PDK1: variants seen among roughly 807,000 people sequenced by gnomAD.
PDK1 encodes the protein [Pyruvate dehydrogenase (acetyl-transferring)] kinase isozyme 1, mitochondrial.
PDK1 carries 39 observed loss-of-function variants against 54.2 expected under a neutral mutation model. The ratio of observed to expected loss-of-function variants is 0.72; its 90% CI spans 0.56 to 0.94. The LOEUF (loss-of-function observed/expected upper bound fraction) is 0.94. PDK1 is among the 40% of genes least tolerant of loss of function. The pLI is 0.00. For missense variants in PDK1, 552 were observed against 566.0 expected (o/e 0.98, Z 0.25); for synonymous variants, 221 against 207.1 (o/e 1.07, Z -0.58).
the PDK1 span, among the ~76,000 whole-genome samples, chr2:172,640,003 A>G: frequency 2.0e-5 from 3 of 152,234 alleles, no homozygotes; most frequent in African/African-American, 7.2e-5. Flanking sequence ...TGCCTCAGCA[A>G]CAGATGACTA....
chr2:172,578,734 G>A (rs999622344), intron 8 of PDK1, among the ~76,000 whole-genome samples: 7 of 146,330 alleles, frequency 4.8e-5, no homozygotes, highest in Non-Finnish European at 1.1e-4. Context: ...TTGTTGTTTT[G>A]TAATTTTTTT....
the PDK1 span, among the ~76,000 whole-genome samples, chr2:172,659,094 C>T: frequency 6.6e-6 from 1 of 152,132 alleles, no homozygotes; most frequent in Non-Finnish European, 1.5e-5. Flanking sequence ...TAATAAAAAC[C>T]TGCAGGTTTT....
chr2:172,581,306 G>A (rs773556645), intron 8 of PDK1, among the ~76,000 whole-genome samples: 38 of 152,232 alleles, frequency 2.5e-4, no homozygotes, highest in Admixed American at 8.5e-4. Context: ...GGCCAGGCTG[G>A]TCTCGAACTG....
chr2:172,621,594 A>G, the PDK1 span, among the ~76,000 whole-genome samples: 2 of 147,348 alleles, frequency 1.4e-5, no homozygotes, highest in African/African-American at 4.9e-5. Context: ...ATGTTTATAT[A>G]TGATATATGT....
At chr2:172,577,024 T>A (rs1689617969) in intron 8 of PDK1, among the ~76,000 whole-genome samples, 1 of 152,216 alleles carries the variant, frequency 6.6e-6, no homozygotes, top group South Asian at 2.1e-4. Context: ...AATTGTTATA[T>A]CCATTGTTGA....
At chr2:172,573,718 A>G (rs989928950) in intron 8 of PDK1, among the ~76,000 whole-genome samples, 16 of 151,850 alleles carry the variant, frequency 1.1e-4, no homozygotes, top group Non-Finnish European at 7.4e-5. Context: ...ATGATTTGCA[A>G]GTATATTCTC....
intron 10 of PDK1, among the ~76,000 whole-genome samples, chr2:172,595,006 C>T (rs1290672976): frequency 1.3e-5 from 2 of 151,930 alleles, no homozygotes; most frequent in African/African-American, 2.4e-5. Flanking sequence ...TAAATGTTCA[C>T]GAAAAAGCTA....
At chr2:172,664,911 A>G in the PDK1 span, among the ~76,000 whole-genome samples, 1 of 152,188 alleles carries the variant, frequency 6.6e-6, no homozygotes, top group Non-Finnish European at 1.5e-5. Context: ...TTATAGCTGC[A>G]TATGGACTTC....
the PDK1 span, among the ~76,000 whole-genome samples, chr2:172,699,434 A>C: frequency 6.9e-6 from 1 of 144,262 alleles, no homozygotes; most frequent in Non-Finnish European, 1.5e-5. Flanking sequence ...AATCGTTCAT[A>C]TTTTTTTTGA....
At chr2:172,681,868 C>G in the PDK1 span, among the ~76,000 whole-genome samples, 2 of 152,192 alleles carry the variant, frequency 1.3e-5, no homozygotes, top group Non-Finnish European at 2.9e-5. Context: ...AAGCGATTCT[C>G]AAGCCTCAAA....
chr2:172,596,199 A>G lies in PDK1; in HGVS notation c.*230A>G, dbSNP rs1574541877. 1 of 346,056 alleles carries G rather than the reference A, an allele frequency of 2.9e-6. No individual in the cohort carries two copies. 21.4% of individuals were successfully genotyped at this position (346,056 alleles called of 1,614,324 possible). ...AGTTAATTGAACATATTTTTAAACAACTGTAGTTTTGGGCAACTTTTCACT... is the reference window on the plus strand; with the variant it reads ...AGTTAATTGAACATATTTTTAAACAGCTGTAGTTTTGGGCAACTTTTCACT... On this transcript the variant is annotated 3_prime_UTR_variant, in exon 11 of 11. Transcript: ENST00000282077.
At chr2:172,662,114 T>C in the PDK1 span, among the ~76,000 whole-genome samples, 7 of 152,266 alleles carry the variant, frequency 4.6e-5, no homozygotes, top group African/African-American at 7.2e-5. Context: ...GTCATTCACA[T>C]CATTGGTGAA....
chr2:172,579,113 T>A (rs1322910284), intron 8 of PDK1, among the ~76,000 whole-genome samples: 1 of 152,184 alleles, frequency 6.6e-6, no homozygotes, highest in African/African-American at 2.4e-5. Context: ...TATGGCTATC[T>A]CATTCCCTAG....
the PDK1 span, among the ~76,000 whole-genome samples, chr2:172,711,758 C>T: frequency 2.7e-5 from 4 of 147,044 alleles, no homozygotes; most frequent in Non-Finnish European, 6.0e-5. Context: ...CCCAGCTACT[C>T]GGGAGGATAA....
chr2:172,723,437 G>A, the PDK1 span: 1 of 152,140 alleles, frequency 6.6e-6, no homozygotes, highest in African/African-American at 2.4e-5. Context: ...AAAATAAAAT[G>A]GAGAAGTTAG....
At chr2:172,562,160 C>G in intron 2 of PDK1, 60 bp from the exon 3 acceptor site, 1 of 861,876 alleles carries the variant, frequency 1.2e-6, no homozygotes, top group Non-Finnish European at 1.9e-6. Flanking sequence ...AGCTAATTTT[C>G]ATGATATTGA....
the PDK1 span, among the ~76,000 whole-genome samples, chr2:172,655,275 C>A: frequency 2.0e-5 from 3 of 152,166 alleles, no homozygotes; most frequent in Non-Finnish European, 4.4e-5. Context: ...AAAACTATTT[C>A]TTTAGAGAGC....
chr2:172,654,877 G>C, the PDK1 span, among the ~76,000 whole-genome samples: 2 of 152,094 alleles, frequency 1.3e-5, no homozygotes, highest in Non-Finnish European at 2.9e-5. Context: ...GGTTTCACCC[G>C]AGAGGTTACC....
At chr2:172,555,830 C>A (rs933236832), upstream of PDK1, 11 of 251,310 alleles carry the variant, frequency 4.4e-5, no homozygotes, top group East Asian at 8.5e-4. Context: ...CACGCTCACC[C>A]CACACCTCGC....
Sources: allele counts gnomAD v4.1 joint callset (sites outside exome capture counted in the v4.1 genomes callset), GRCh38; gene constraint gnomAD v4.1.1; transcripts MANE v1.5; gene names NCBI Gene and HGNC (gene_info 2026-07-23, HGNC 2026-07-21).